The following SULF2 variants were observed in gnomAD, a reference collection of about 807,000 sequenced individuals.
SULF2 encodes extracellular sulfatase Sulf-2.
A neutral mutation model predicts 107.7 loss-of-function variants in SULF2; 52 were observed. That is an observed-to-expected ratio of 0.48 (90% confidence interval 0.39 to 0.61). SULF2 has a LOEUF of 0.61. Among genes scored for constraint, SULF2 ranks in the 20% least tolerant of loss-of-function variants. The pLI, the probability that SULF2 is intolerant of heterozygous loss-of-function variation, is 0.00. For synonymous variants in SULF2, 460 were observed against 464.3 expected, an observed-to-expected ratio of 0.99 and a Z score of 0.12; for missense variants, 993 against 1,177.3, an observed-to-expected ratio of 0.84 and a Z score of 2.29.
In SULF2 at chr20:47,683,094, T is replaced by C; in HGVS notation, c.964A>G (p.Ile322Val). 6.2e-7 allele frequency: 1 copy of C among 1,613,692 alleles called. No homozygotes were observed. Among genetic ancestry groups the C allele is most frequent in the Non-Finnish European group, 8.5e-7 (1 of 1,179,906 alleles). The stretch of plus-strand genomic sequence containing the variant: ...CCTTTCACCAGGCCAAACTGGCCGA[T>C]GTGGTAACCGTGGTCGGCGGTGTAT... ...IVYTADHGYHIGQFGLVKGKS... is the reference protein window; with the variant it reads ...IVYTADHGYHVGQFGLVKGKS... Residue 322 changes from isoleucine (I) to valine (V), a missense_variant, in exon 7 of 21, where the codon ATC becomes GTC. Ile to Val is a conservative substitution (Grantham distance 29). Coordinates refer to ENST00000688720, the MANE Select transcript of SULF2 (RefSeq NM_001387048.1).
chr20:47,698,285 G>A (rs2088451277), intron 4 of SULF2, among the ~76,000 whole-genome samples: 1 of 152,196 alleles, frequency 6.6e-6, no homozygotes, highest in South Asian at 2.1e-4. Flanking sequence ...CCAGCGTAGA[G>A]CTCCTGCTAC....
intron 6 of SULF2, among the ~76,000 whole-genome samples, chr20:47,683,841 CA>C (rs1448125662): frequency 6.6e-6 from 1 of 152,208 alleles, no homozygotes; most frequent in Non-Finnish European, 1.5e-5. Context: ...CATGCGACAC[CA>C]GGGGTGAAGC....
chr20:47,737,553 T>C (rs1333901717), intron 2 of SULF2, among the ~76,000 whole-genome samples: 2 of 151,928 alleles, frequency 1.3e-5, no homozygotes, highest in South Asian at 2.1e-4. Flanking sequence ...TGGCCTCTTG[T>C]CCACACTTTT....
intron 1 of SULF2, among the ~76,000 whole-genome samples, chr20:47,768,674 G>A (rs192625836): frequency 2.0e-5 from 3 of 152,332 alleles, no homozygotes; most frequent in African/African-American, 4.8e-5. Flanking sequence ...GTGGAAAAGC[G>A]GAAGGAACGT....
intron 1 of SULF2, among the ~76,000 whole-genome samples, chr20:47,771,716 C>T (rs1049352032): frequency 3.3e-5 from 5 of 149,260 alleles, no homozygotes; most frequent in African/African-American, 2.5e-5. Flanking sequence ...GGGGCGGGGG[C>T]GGGGGCAGTG....
At chr20:47,761,131 T>C (rs561077629) in intron 1 of SULF2, among the ~76,000 whole-genome samples, 6 of 152,348 alleles carry the variant, frequency 3.9e-5, no homozygotes, top group African/African-American at 1.4e-4. Context: ...AGAGTGATCC[T>C]ACCGCTGCAG....
rs904827207 is a variant in SULF2 at position 47,757,418 on chromosome 20, G to A, written c.-55C>T. 12 of 1,504,292 alleles carry A rather than the reference G, an allele frequency of 8.0e-6. No individual in the cohort carries two copies. Among genetic ancestry groups the A allele is most frequent in the African/African-American group, 4.2e-5 (3 of 71,444 alleles). The allele number at this position is 1,504,292 out of a possible 1,614,324, so 93.2% of individuals were successfully genotyped here. ...TTGGGATGCGGGAGTCTCAAGTTGC[G>A]TCTGTGGCTTTGTTTCTTTTCCCTC... is the stretch of plus-strand genomic sequence containing the variant. On this transcript the variant is annotated 5_prime_UTR_variant, in exon 2 of 21. The change creates a new upstream start codon in the 5' untranslated region. Coordinates refer to ENST00000688720, the MANE Select transcript of SULF2 (RefSeq NM_001387048.1).
Position 47,666,062 on chromosome 20 carries a change from C to G in SULF2, c.1806-109G>C. ...GCCGAGGTCTGTCCTGTCCCCTTCA[C>G]CCTCGACTTCCACCTGGACACTCAC... On this transcript the variant is annotated intron_variant, in intron 12 of 20. Transcript: ENST00000688720. The surrounding 1 kb of genome is among the most constrained non-coding windows in gnomAD (Gnocchi z 5.4). The G allele has an allele frequency of 1.3e-6, 2 of 1,593,298 alleles. No individual in the cohort carries two copies. Among genetic ancestry groups the G allele is most frequent in the East Asian group, 2.2e-5 (1 of 44,664 alleles).
chr20:47,673,577 C>T (rs2087546608), intron 10 of SULF2, among the ~76,000 whole-genome samples: 1 of 152,166 alleles, frequency 6.6e-6, no homozygotes, highest in Admixed American at 6.5e-5. Flanking sequence ...TTGCCCCTGT[C>T]CCGCCCATCT....
At chr20:47,739,930 C>T (rs538542560) in intron 2 of SULF2, among the ~76,000 whole-genome samples, 4 of 152,282 alleles carry the variant, frequency 2.6e-5, no homozygotes, top group Admixed American at 2.0e-4. Context: ...GATATGTGCT[C>T]TCCAGTTTGC....
rs536467065 is a variant in SULF2, at chr20:47,757,352, C to T, written c.12G>A (p.Pro4=). The T allele has an allele frequency of 1.9e-5, 31 of 1,591,420 alleles. No homozygotes were observed. The South Asian group carries it at 2.5e-4, about 13-fold the overall frequency. ...CGGACAGCAAGCACAGCACGAGGCT[C>T]GGGGGGCCCATCTTCTTTTTTTGCT... MGP[P]SLVLCLLSAT... The change falls in exon 2 of 21, where the codon CCG becomes CCA. Residue 4 remains proline (P), a synonymous_variant. Coordinates refer to ENST00000688720, the MANE Select transcript of SULF2 (RefSeq NM_001387048.1).
intron 15 of SULF2, 135 bp downstream of exon 15, chr20:47,663,995 C>T: frequency 1.0e-6 from 1 of 952,674 alleles, no homozygotes; most frequent in East Asian, 2.6e-5. Flanking sequence ...AGTAAGGCCT[C>T]TTCGAGGGCT....
intron 2 of SULF2, among the ~76,000 whole-genome samples, chr20:47,741,616 G>A (rs1251880296): frequency 2.0e-5 from 3 of 152,146 alleles, no homozygotes; most frequent in Non-Finnish European, 4.4e-5. Flanking sequence ...GCACGCAGTG[G>A]GTGCTCATAA....
chr20:47,724,538 G>A (rs1568861881), intron 3 of SULF2, among the ~76,000 whole-genome samples: 1 of 152,224 alleles, frequency 6.6e-6, no homozygotes, highest in Non-Finnish European at 1.5e-5. Context: ...GAAGGGTCTT[G>A]CAGCTCCTGC....
intron 3 of SULF2, 130 bp from the exon 4 acceptor site, chr20:47,702,800 G>T (rs2088615013): frequency 2.8e-6 from 2 of 711,022 alleles, no homozygotes; most frequent in East Asian, 5.4e-5. Flanking sequence ...CAGAGCAATG[G>T]ATCCCTTCTC....
intron 3 of SULF2, among the ~76,000 whole-genome samples, chr20:47,730,573 C>T (rs2089569880): frequency 6.6e-6 from 1 of 152,108 alleles, no homozygotes; most frequent in Non-Finnish European, 1.5e-5. Flanking sequence ...ACCTCAGCCT[C>T]CCTAGTAGCT....
In SULF2 at chr20:47,713,508, G is replaced by A. The variant is rs533530110; in HGVS notation, c.416-10838C>T. Among the ~76,000 whole-genome samples the A allele has an allele frequency of 9.2e-5, 14 of 152,276 alleles. No homozygotes were observed. In the East Asian group the frequency reaches 1.2e-3, roughly 13 times the overall value. ...CAGAGTCAGAGGACTCTGACTCCTTGGGCAAGCGAGTGCTCCTGTCTGAGC... is the reference window on the plus strand; with the variant it reads ...CAGAGTCAGAGGACTCTGACTCCTTAGGCAAGCGAGTGCTCCTGTCTGAGC... On this transcript the variant is annotated intron_variant, in intron 3 of 20. Transcript: ENST00000688720.
intron 19 of SULF2, 81 bp from the exon 20 acceptor site, chr20:47,659,533 G>C (rs573812862): frequency 2.4e-5 from 36 of 1,482,794 alleles, no homozygotes; most frequent in East Asian, 2.3e-4. Context: ...ATACAAAGAA[G>C]GTCTCCTAGG....
At position 47,736,582 on chromosome 20, in the gene SULF2, G is replaced by A; in HGVS notation, c.415+121C>T. 7 of 1,301,866 alleles carry A rather than the reference G, an allele frequency of 5.4e-6. No homozygotes were observed. The South Asian group carries it at 8.8e-5, about 16-fold the overall frequency. The allele number at this position is 1,301,866 out of a possible 1,614,324, so 80.6% of individuals were successfully genotyped here. A position where few individuals can be genotyped will look rare whatever the true frequency, so the allele number is the denominator to read the frequency against. On this transcript the variant is annotated intron_variant, in intron 3 of 20. Transcript: ENST00000688720. ...TAAATGCACAACTCTGAAATTATAA[G>A]AGAGTTGCTCTAGGGGCTATCCAGA...
Sources: allele counts gnomAD v4.1 joint callset (sites outside exome capture counted in the v4.1 genomes callset), GRCh38; gene constraint gnomAD v4.1.1; non-coding constraint Gnocchi (gnomAD v3.1); transcripts MANE v1.5; gene names NCBI Gene and HGNC (gene_info 2026-07-23, HGNC 2026-07-21).